The following PAN2 variants were observed in gnomAD, a reference collection of about 807,000 sequenced individuals.
PAN2 encodes the protein poly(A) specific ribonuclease subunit PAN2, also known as PAN2-PAN3 deadenylation complex catalytic subunit PAN2.
Under a neutral mutation model 133.3 loss-of-function variants are expected in PAN2, and 68 were observed. The ratio of observed to expected loss-of-function variants is 0.51; its 90% CI spans 0.42 to 0.62. The LOEUF (loss-of-function observed/expected upper bound fraction) is 0.62. PAN2 is among the 20% of genes least tolerant of loss of function. The pLI, the probability that PAN2 is intolerant of heterozygous loss-of-function variation, is 0.00. For missense variants in PAN2, 1,042 were observed against 1,500.5 expected (o/e 0.69, Z 5.05); for synonymous variants, 462 against 544.6 (o/e 0.85, Z 2.11).
chr12:56,328,731 G>T (rs2135988833), intron 2 of PAN2, 90 bp from the exon 3 acceptor site: 1 of 1,060,876 alleles, frequency 9.4e-7, no homozygotes, highest in Non-Finnish European at 1.4e-6. Flanking sequence ...GGCTCAGCTT[G>T]GATCCTTTCT....
chr12:56,319,851 T>C lies in PAN2; in HGVS notation c.2946+13A>G, dbSNP rs757853232. ...GTTCTCTTCCAATGCCCCATCCCTT[T>C]GGTCTTGGTTACCTCATTAAGGGTG... is the stretch of plus-strand genomic sequence containing the variant. On this transcript the variant is annotated intron_variant, in intron 21 of 25. Transcript: ENST00000440411. This position sits in a 1 kb window ranked among gnomAD's most constrained non-coding sequence, Gnocchi z 5.4. 3 of 1,614,094 alleles carry C rather than the reference T, an allele frequency of 1.9e-6. No individual in the cohort carries two copies. Among genetic ancestry groups the C allele is most frequent in the Admixed American group, 1.7e-5 (1 of 60,008 alleles).
At chr12:56,324,866 G>T in intron 10 of PAN2, 143 bp downstream of exon 10, 1 of 1,361,656 alleles carries the variant, frequency 7.3e-7, no homozygotes, top group Non-Finnish European at 1.0e-6. Flanking sequence ...AGACTTGAAA[G>T]TTGTAGAGGC....
chr12:56,324,134 C>T lies in PAN2; in HGVS notation c.1980G>A (p.Glu660=). The T allele has an allele frequency of 2.5e-6, 4 of 1,614,140 alleles. No homozygotes were observed. Among genetic ancestry groups the T allele is most frequent in the Non-Finnish European group, 2.5e-6 (3 of 1,180,040 alleles). Residue 660 remains glutamate, a synonymous_variant, in exon 13 of 26, where the codon GAG becomes GAA. Coordinates refer to ENST00000440411, the MANE Select transcript of PAN2 (RefSeq NM_014871.6). ...DSVIGQLFSC[E]MENCSLCRCG... is the part of the protein sequence containing the mutation. The stretch of plus-strand genomic sequence containing the variant: ...AGCGGCAGAGGCTGCAGTTCTCCAT[C>T]TCACAGCTGAAGAGCTGCCCAATAA...
Position 56,327,975 on chromosome 12 carries a change from G to C in PAN2, c.651+20C>G. Reference sequence around the variant, plus strand: ...GTGAAACAGGGCCCTGCAGTGGGAGGAGAAATGGAACTTGGCCACCTTGCC... The same window carrying C: ...GTGAAACAGGGCCCTGCAGTGGGAGCAGAAATGGAACTTGGCCACCTTGCC... On this transcript the variant is annotated intron_variant, in intron 5 of 25. Coordinates refer to ENST00000440411, the MANE Select transcript of PAN2 (RefSeq NM_014871.6). 1 of 1,613,736 alleles carries C rather than the reference G, an allele frequency of 6.2e-7. No homozygotes were observed. The highest frequency in any genetic ancestry group is 2.2e-5 in the East Asian group (1 of 44,884).
chr12:56,319,007 G>T lies in PAN2; in HGVS notation c.3364+81C>A. The T allele has an allele frequency of 2.2e-6, 3 of 1,371,912 alleles. No homozygotes were observed. Among genetic ancestry groups the T allele is most frequent in the African/African-American group, 1.4e-5 (1 of 70,168 alleles). 85.0% of individuals were successfully genotyped at this position (1,371,912 alleles called of 1,614,324 possible). A position where few individuals can be genotyped will look rare whatever the true frequency, so the allele number is the denominator to read the frequency against. On this transcript the variant is annotated intron_variant, in intron 24 of 25. Coordinates refer to ENST00000440411, the MANE Select transcript of PAN2 (RefSeq NM_014871.6). This position sits in a 1 kb window ranked among gnomAD's most constrained non-coding sequence, Gnocchi z 5.4. ...GGCCCACAGCTCCATCCATGTTGCC[G>T]CAAAGAACATGATTTCTTTTTTTTT...
In PAN2 at chr12:56,323,384, C is replaced by T. The variant is rs752683998; in HGVS notation, c.2272G>A (p.Val758Ile). The T allele has an allele frequency of 1.2e-6, 2 of 1,613,260 alleles. No homozygotes were observed. The highest frequency in any genetic ancestry group is 1.7e-6 in the Non-Finnish European group (2 of 1,179,780). ...TTCTTTACTGCCATCTTGAAGGCAACCTGAACACAGAAGAAAAACATCCAG... is the reference window on the plus strand; with the variant it reads ...TTCTTTACTGCCATCTTGAAGGCAATCTGAACACAGAAGAAAAACATCCAG... ...EADFWRMQAEVAFKMAVKKHG... is the reference protein window; with the variant it reads ...EADFWRMQAEIAFKMAVKKHG... The change falls in exon 16 of 26, where the codon GTT (valine) becomes ATT (isoleucine). Residue 758 changes from valine (V) to isoleucine (I), a missense_variant and splice_region_variant. Coordinates refer to ENST00000440411, the MANE Select transcript of PAN2 (RefSeq NM_014871.6).
Position 56,317,353 on chromosome 12 carries a change from C to A in PAN2, c.*256G>T. ...GATATTAAGAATACCAATTACTTTCCATCTGGGTCAATTCTAGACTCCATG... is the reference window on the plus strand; with the variant it reads ...GATATTAAGAATACCAATTACTTTCAATCTGGGTCAATTCTAGACTCCATG... On this transcript the variant is annotated 3_prime_UTR_variant, in exon 26 of 26. Transcript: ENST00000440411. The A allele has an allele frequency of 1.9e-6, 1 of 518,382 alleles. No homozygotes were observed. Among genetic ancestry groups the A allele is most frequent in the Non-Finnish European group, 3.5e-6 (1 of 289,572 alleles). The allele number at this position is 518,382 out of a possible 1,614,324, so 32.1% of individuals were successfully genotyped here. A position where few individuals can be genotyped will look rare whatever the true frequency, so the allele number is the denominator to read the frequency against.
At chr12:56,326,583 C>T in intron 7 of PAN2, 34 bp downstream of exon 7, 2 of 1,576,934 alleles carry the variant, frequency 1.3e-6, no homozygotes, top group Non-Finnish European at 1.7e-6. Context: ...TTTCCCTGTC[C>T]CTCCCGCCTT....
At position 56,322,639 on chromosome 12, in the gene PAN2, T is replaced by C; in HGVS notation, c.2613A>G (p.Gly871=). 6.2e-7 allele frequency: 1 copy of C among 1,614,192 alleles called. No homozygotes were observed. The highest frequency in any genetic ancestry group is 8.5e-7 in the Non-Finnish European group (1 of 1,180,036). ...GGSLVAHIKV[G]ETYHQRKEGV... is the part of the protein sequence containing the mutation. ...CCTCCTTGCGCTGGTGGTAGGTCTCTCCAACTTTGATGTGAGCCACCAGGC... is the reference window on the plus strand; with the variant it reads ...CCTCCTTGCGCTGGTGGTAGGTCTCCCCAACTTTGATGTGAGCCACCAGGC... The change falls in exon 18 of 26, where the codon GGA becomes GGG. Residue 871 remains glycine (G), a synonymous_variant. Coordinates refer to ENST00000440411, the MANE Select transcript of PAN2 (RefSeq NM_014871.6).
chr12:56,330,603 C>T (rs999055644), intron 2 of PAN2, among the ~76,000 whole-genome samples: 71 of 151,934 alleles, frequency 4.7e-4, no homozygotes, highest in Non-Finnish European at 2.6e-4. Flanking sequence ...TCGTGATCCG[C>T]CCGCCTCGGC....
At chr12:56,326,578 C>A in intron 7 of PAN2, 39 bp downstream of exon 7, 1 of 1,569,170 alleles carries the variant, frequency 6.4e-7, no homozygotes, top group African/African-American at 1.4e-5. Flanking sequence ...GGCCCTTTCC[C>A]TGTCCCTCCC....
At chr12:56,317,848 A>C (rs1480274306) in intron 25 of PAN2, among the ~76,000 whole-genome samples, 2 of 152,230 alleles carry the variant, frequency 1.3e-5, no homozygotes, top group East Asian at 3.9e-4. Flanking sequence ...AGTGCTTTGT[A>C]AACTGTTAAG....
Position 56,333,987 on chromosome 12 carries a change from C to G in PAN2, c.-240G>C, listed in dbSNP as rs560970561. ...TTCTCCCCCACGCCTAGGGCTCAACCTAACCACTACGGCGCCAAGGACCGG... is the reference window on the plus strand; with the variant it reads ...TTCTCCCCCACGCCTAGGGCTCAACGTAACCACTACGGCGCCAAGGACCGG... On this transcript the variant is annotated 5_prime_UTR_variant, in exon 1 of 26. Coordinates refer to ENST00000440411, the MANE Select transcript of PAN2 (RefSeq NM_014871.6). The G allele has an allele frequency of 9.8e-5, 15 of 152,290 alleles. No homozygotes were observed. The highest frequency in any genetic ancestry group is 3.4e-4 in the African/African-American group (14 of 41,574). The allele number at this position is 152,290 out of a possible 1,614,324, so 9.4% of individuals were successfully genotyped here.
Position 56,320,898 on chromosome 12 carries a change from A to G in PAN2, c.2789-877T>C, listed in dbSNP as rs140225057. ...GCCAACATGGTGAAACCCTGTCTCT[A>G]CTAAAAATACAAAAAATTAGCCGGA... On this transcript the variant is annotated intron_variant, in intron 20 of 25. Transcript: ENST00000440411. Among the ~76,000 whole-genome samples the G allele has an allele frequency of 1.2e-3, 182 of 150,282 alleles. 2 individuals carry two copies. The highest frequency in any genetic ancestry group is 4.3e-3 in the African/African-American group (178 of 40,940).
intron 20 of PAN2, among the ~76,000 whole-genome samples, chr12:56,320,473 A>G (rs1263774057): frequency 6.6e-6 from 1 of 151,950 alleles, no homozygotes; most frequent in African/African-American, 2.4e-5. Context: ...CCCCGTCTCT[A>G]CTAATTAGAC....
At chr12:56,328,823 T>C (rs1311327367) in intron 2 of PAN2, among the ~76,000 whole-genome samples, 182 bp from the exon 3 acceptor site, 2 of 152,220 alleles carry the variant, frequency 1.3e-5, no homozygotes, top group Non-Finnish European at 2.9e-5. Flanking sequence ...CTGATAATAC[T>C]GTCTTATGTT....
chr12:56,330,680 A>T (rs542018164), intron 2 of PAN2, among the ~76,000 whole-genome samples: 1 of 151,914 alleles, frequency 6.6e-6, no homozygotes, highest in East Asian at 1.9e-4. Flanking sequence ...TTTAATAGAG[A>T]TGGGGTCTTG....
chr12:56,328,204 C>G (rs763452255), intron 4 of PAN2, 34 bp downstream of exon 4: 3 of 1,591,106 alleles, frequency 1.9e-6, no homozygotes. Flanking sequence ...CAACCTCAGA[C>G]CCCACATAGG....
rs1355122604 is a variant in PAN2, at chr12:56,323,235, T to G, written c.2346-26A>C. On this transcript the variant is annotated intron_variant, in intron 16 of 25. Transcript: ENST00000440411. ...CTATCAGGTCAGAAGAATTGGAAATTTGTTCCGAAAGAGGTCTTGATAAGA... is the reference window on the plus strand; with the variant it reads ...CTATCAGGTCAGAAGAATTGGAAATGTGTTCCGAAAGAGGTCTTGATAAGA... The G allele has an allele frequency of 6.2e-6, 10 of 1,613,778 alleles. No homozygotes were observed. In the Admixed American group the frequency reaches 1.5e-4, roughly 24 times the overall value.
Sources: allele counts gnomAD v4.1 joint callset (sites outside exome capture counted in the v4.1 genomes callset), GRCh38; gene constraint gnomAD v4.1.1; non-coding constraint Gnocchi (gnomAD v3.1); transcripts MANE v1.5; gene names NCBI Gene and HGNC (gene_info 2026-07-23, HGNC 2026-07-21).